Variants in F13A1 observed in about 807,000 individuals in gnomAD.
F13A1 encodes coagulation factor XIII A chain.
F13A1 carries 47 observed loss-of-function variants against 80.1 expected under a neutral mutation model. The observed-to-expected ratio is 0.59, with a 90% CI of 0.46 to 0.75. F13A1 has a LOEUF of 0.75. Among genes scored for constraint, F13A1 ranks in the 30% least tolerant of loss-of-function variants. The pLI is 0.00. For synonymous variants in F13A1, 349 were observed against 344.9 expected (o/e 1.01, Z -0.13); for missense variants, 817 against 930.4 (o/e 0.88, Z 1.59).
chr6:6,236,824 C>T (rs1414809552), intron 6 of F13A1, among the ~76,000 whole-genome samples: 2 of 152,130 alleles, frequency 1.3e-5, no homozygotes, highest in African/African-American at 4.8e-5. Context: ...GTAACACGAA[C>T]TAACATCAAA....
At chr6:6,147,276 C>A (rs528817418) in intron 14 of F13A1, among the ~76,000 whole-genome samples, 13 of 152,230 alleles carry the variant, frequency 8.5e-5, no homozygotes, top group Non-Finnish European at 1.9e-4. Context: ...AACCAAACAC[C>A]AACTGTTCCC....
chr6:6,203,557 G>A lies in F13A1; in HGVS notation c.1113-6231C>T, dbSNP rs142650793. Among the ~76,000 whole-genome samples, 41 of 152,296 alleles carry A rather than the reference G, an allele frequency of 2.7e-4. No homozygotes were observed. In the East Asian group the frequency reaches 5.0e-3, roughly 19 times the overall value. ...ATGAGTTCTACAGCTGCAAGGAACT[G>A]AATTCTTTCAAGAACCTCAATGAAT... On this transcript the variant is annotated intron_variant, in intron 8 of 14. Coordinates refer to ENST00000264870, the MANE Select transcript of F13A1 (RefSeq NM_000129.4).
intron 7 of F13A1, among the ~76,000 whole-genome samples, chr6:6,224,279 G>A (rs897634684): frequency 5.3e-5 from 8 of 151,944 alleles, no homozygotes; most frequent in African/African-American, 1.5e-4. Context: ...AAATAAATAC[G>A]CATATTTATA....
At chr6:6,252,885 G>A (rs1034869543) in intron 4 of F13A1, among the ~76,000 whole-genome samples, 18 of 152,094 alleles carry the variant, frequency 1.2e-4, no homozygotes, top group African/African-American at 2.4e-4. Context: ...CAGGCAGGGC[G>A]TGGTGGCTCA....
At position 6,308,287 on chromosome 6, in the gene F13A1, T is replaced by G. The variant is rs555729347; in HGVS notation, c.131-2748A>C. Among the ~76,000 whole-genome samples, 767 of 152,264 alleles carry G rather than the reference T, an allele frequency of 5.0e-3. 4 individuals are homozygous for G. Among genetic ancestry groups the G allele is most frequent in the Non-Finnish European group, 6.6e-3 (451 of 68,026 alleles). Reference sequence around the variant, plus strand: ...GATCCGCCGGCTTGGCTTTCCAAAGTGCTAAGATTATAGGCGTGAGCCATC... The same window carrying G: ...GATCCGCCGGCTTGGCTTTCCAAAGGGCTAAGATTATAGGCGTGAGCCATC... On this transcript the variant is annotated intron_variant, in intron 2 of 14. Coordinates refer to ENST00000264870, the MANE Select transcript of F13A1 (RefSeq NM_000129.4).
At chr6:6,176,654 G>T (rs555257324) in intron 11 of F13A1, among the ~76,000 whole-genome samples, 4 of 152,332 alleles carry the variant, frequency 2.6e-5, no homozygotes, top group South Asian at 4.1e-4. Context: ...GTAAGAAAAA[G>T]GGAAGGAGGA....
chr6:6,165,726 C>T (rs1439931629), intron 13 of F13A1, among the ~76,000 whole-genome samples: 2 of 152,230 alleles, frequency 1.3e-5, no homozygotes, highest in Admixed American at 6.5e-5. Context: ...GCATCCTGCA[C>T]CTTAAGCTAT....
chr6:6,198,564 C>G (rs1008494940), intron 8 of F13A1, among the ~76,000 whole-genome samples: 1 of 152,100 alleles, frequency 6.6e-6, no homozygotes, highest in Non-Finnish European at 1.5e-5. Context: ...TTGATTGGTT[C>G]AAGAGATATT....
At chr6:6,263,938 C>T (rs1313294945) in intron 4 of F13A1, among the ~76,000 whole-genome samples, 2 of 152,244 alleles carry the variant, frequency 1.3e-5, no homozygotes, top group African/African-American at 2.4e-5. Flanking sequence ...TCCTAGACCA[C>T]AGCTTCCAAA....
chr6:6,273,851 A>G (rs3863222), intron 3 of F13A1, among the ~76,000 whole-genome samples: 42,902 of 152,052 alleles, frequency 0.28, 6,231 homozygotes, highest in South Asian at 0.37. Context: ...ATAAGTCACC[A>G]AATAACTCTT....
chr6:6,208,730 A>G (rs1761540879), intron 8 of F13A1, among the ~76,000 whole-genome samples: 1 of 152,180 alleles, frequency 6.6e-6, no homozygotes, highest in South Asian at 2.1e-4. Flanking sequence ...TTTACCATGT[A>G]CAAGAGATAA....
chr6:6,262,277 G>A lies in F13A1; in HGVS notation c.571+4281C>T, dbSNP rs978282538. 6.6e-5 allele frequency among the ~76,000 whole-genome samples: 10 copies of A among 152,270 alleles called. 1 individual carries two copies. In the East Asian group the frequency reaches 1.2e-3, roughly 18 times the overall value. On this transcript the variant is annotated intron_variant, in intron 4 of 14. Coordinates refer to ENST00000264870, the MANE Select transcript of F13A1 (RefSeq NM_000129.4). ...CAGGTGATTCTGATGTGCTCCAAGC[G>A]TGGTGACCACAGAGTGCATCCTTCC...
intron 13 of F13A1, among the ~76,000 whole-genome samples, chr6:6,158,642 G>C (rs1760519227): frequency 6.6e-6 from 1 of 152,136 alleles, no homozygotes; most frequent in Non-Finnish European, 1.5e-5. Flanking sequence ...GGTGAATCTT[G>C]GTGACGAGAG....
At chr6:6,186,532 T>C (rs1361724101) in intron 10 of F13A1, among the ~76,000 whole-genome samples, 2 of 152,248 alleles carry the variant, frequency 1.3e-5, no homozygotes, top group Non-Finnish European at 2.9e-5. Context: ...CAGATAGTTG[T>C]AGATATGCGG....
intron 10 of F13A1, among the ~76,000 whole-genome samples, chr6:6,189,797 T>C (rs1166208446): frequency 6.6e-6 from 1 of 151,660 alleles, no homozygotes; most frequent in African/African-American, 2.4e-5. Context: ...GAAGTTCTCC[T>C]GGATAATATC....
chr6:6,320,438 G>T (rs1366763705), intron 1 of F13A1, 149 bp downstream of exon 1: 2 of 289,062 alleles, frequency 6.9e-6, no homozygotes, highest in Non-Finnish European at 1.4e-5. Context: ...GGAGTTGGGG[G>T]CGGGAAGCCA....
At chr6:6,193,851 A>T (rs1257763174) in intron 10 of F13A1, among the ~76,000 whole-genome samples, 1 of 152,012 alleles carries the variant, frequency 6.6e-6, no homozygotes, top group African/African-American at 2.4e-5. Flanking sequence ...GACAGCTGGG[A>T]GGTTTGTGGA....
chr6:6,309,475 G>A (rs1758560750), intron 2 of F13A1, among the ~76,000 whole-genome samples: 1 of 152,190 alleles, frequency 6.6e-6, no homozygotes, highest in Non-Finnish European at 1.5e-5. Context: ...GGAGAAAGAA[G>A]GATAGGTGAA....
intron 13 of F13A1, among the ~76,000 whole-genome samples, chr6:6,157,964 G>C (rs765037206): frequency 1.3e-5 from 2 of 152,120 alleles, no homozygotes; most frequent in Non-Finnish European, 2.9e-5. Flanking sequence ...GAACACCTTC[G>C]ATGAGGAGGG....
Sources: allele counts gnomAD v4.1 joint callset (sites outside exome capture counted in the v4.1 genomes callset), GRCh38; gene constraint gnomAD v4.1.1; transcripts MANE v1.5; gene names NCBI Gene and HGNC (gene_info 2026-07-23, HGNC 2026-07-21).